NOD1: variants seen among roughly 807,000 people sequenced by gnomAD.
NOD1 encodes nucleotide-binding oligomerization domain-containing protein 1.
A neutral mutation model predicts 81.2 loss-of-function variants in NOD1; 70 were observed. The ratio of observed to expected loss-of-function variants is 0.86; its 90% CI spans 0.71 to 1.05. The LOEUF (loss-of-function observed/expected upper bound fraction) is 1.05, where lower values mean the gene tolerates loss of function less well. NOD1 is among the 50% of genes least tolerant of loss of function. The pLI is 0.00. For missense variants in NOD1, 1,233 were observed against 1,228.0 expected (o/e 1.00, Z -0.06); for synonymous variants, 508 against 526.9 (o/e 0.96, Z 0.49).
Position 30,434,432 on chromosome 7 carries a change from T to TAGG in NOD1, c.2622-1254_2622-1253insCCT, listed in dbSNP as rs556005211. Among the ~76,000 whole-genome samples, 398 of 152,290 alleles carry TAGG rather than the reference T, an allele frequency of 2.6e-3. 2 individuals are homozygous for TAGG. The highest frequency in any genetic ancestry group is 9.2e-3 in the African/African-American group (381 of 41,568). On this transcript the variant is annotated intron_variant, in intron 11 of 13. Transcript: ENST00000222823. ...AGAGATGCGGCTAAACCGTCTATGA[T>TAGG]GCACAGGACAGCCCTACCATAATAA...
rs201638077 is a variant in NOD1 at position 30,451,260 on chromosome 7, G to A, written c.2157C>T (p.Gly719=). ...DLDNNNLNDY[G]VRELQPCFSR... is the part of the protein sequence containing the mutation. Reference sequence around the variant, plus strand: ...TGAAGCAGGGCTGCAGCTCCCGCACGCCGTAGTCGTTGAGATTGTTGTTGT... The same window carrying A: ...TGAAGCAGGGCTGCAGCTCCCGCACACCGTAGTCGTTGAGATTGTTGTTGT... Residue 719 remains glycine (G), a synonymous_variant, in exon 6 of 14, where the codon GGC becomes GGT. Transcript: ENST00000222823. This position sits in a 1 kb window ranked among gnomAD's most constrained non-coding sequence, Gnocchi z 4.2. The A allele has an allele frequency of 1.5e-5, 25 of 1,614,066 alleles. No individual in the cohort carries two copies. The highest frequency in any genetic ancestry group is 2.2e-5 in the East Asian group (1 of 44,880).
rs1784499181 is a variant in NOD1, at chr7:30,437,670, C to T, written c.2454-14G>A. ...TTGCCCCACATCCTGAGGGAGGAGA[C>T]AAGATAGTGAATGTTAGCTCCCCAA... On this transcript the variant is annotated splice_polypyrimidine_tract_variant and intron_variant, in intron 9 of 13. Coordinates refer to ENST00000222823, the MANE Select transcript of NOD1 (RefSeq NM_006092.4). The T allele has an allele frequency of 2.7e-6, 4 of 1,503,146 alleles. No individual in the cohort carries two copies. The highest frequency in any genetic ancestry group is 3.5e-6 in the Non-Finnish European group (4 of 1,133,782). The allele number at this position is 1,503,146 out of a possible 1,614,324, so 93.1% of individuals were successfully genotyped here. A position where few individuals can be genotyped will look rare whatever the true frequency, so the allele number is the denominator to read the frequency against.
In NOD1 at chr7:30,452,964, C is replaced by A. The variant is rs761035608; in HGVS notation, c.453G>T (p.Glu151Asp). ...TGTAGATCTCCTCCAGCAGCAGCTC[C>A]TCCTTCTGGGCATAGCACAGCACGA... Reference protein sequence around the residue: ...SKFVLCYAQKEELLLEEIYMD... With the variant: ...SKFVLCYAQKDELLLEEIYMD... The change falls in exon 6 of 14, where the codon GAG becomes GAT. Residue 151 changes from glutamate to aspartate, a missense_variant. By Grantham distance (45) the Glu-to-Asp change is conservative. Transcript: ENST00000222823. 18 of 1,612,988 alleles carry A rather than the reference C, an allele frequency of 1.1e-5. No individual in the cohort carries two copies. The highest frequency in any genetic ancestry group is 1.5e-5 in the Non-Finnish European group (18 of 1,179,658).
chr7:30,438,233 G>A (rs971582298), intron 9 of NOD1, among the ~76,000 whole-genome samples: 4 of 152,216 alleles, frequency 2.6e-5, no homozygotes, highest in South Asian at 2.1e-4. Flanking sequence ...CAGGTGCGGC[G>A]ATAAAGCTGT....
rs769001322 is a variant in NOD1, at chr7:30,451,499, C to A, written c.1918G>T (p.Val640Phe). Residue 640 changes from valine (V) to phenylalanine (F), a missense_variant, in exon 6 of 14, where the codon GTC (valine) becomes TTC (phenylalanine). Transcript: ENST00000222823. The surrounding 1 kb of genome is among the most constrained non-coding windows in gnomAD (Gnocchi z 4.2). ...GCCTGCACCTGGTTGAAGCTTTCGA[C>A]CTGAACGCGGGGCAGGCTCTTCAGG... ...GYLKSLPRVQ[V>F]ESFNQVQAMP... 5 of 1,613,232 alleles carry A rather than the reference C, an allele frequency of 3.1e-6. No individual in the cohort carries two copies. In the South Asian group the frequency reaches 4.4e-5, roughly 14 times the overall value.
chr7:30,459,177 T>C lies in NOD1; in HGVS notation c.-147A>G, dbSNP rs1273017191. 1 of 152,674 alleles carries C rather than the reference T, an allele frequency of 6.5e-6. No homozygotes were observed. Among genetic ancestry groups the C allele is most frequent in the African/African-American group, 2.4e-5 (1 of 41,466 alleles). The allele number at this position is 152,674 out of a possible 1,614,324, so 9.5% of individuals were successfully genotyped here. ...CTTTTTAAGTTTCTGGCATCATTCT[T>C]TGAAGTTAGAATATTTTAAAACAAC... On this transcript the variant is annotated 5_prime_UTR_variant, in exon 3 of 14. Transcript: ENST00000222823.
At chr7:30,437,511 G>A (rs1583684581) in intron 10 of NOD1, 62 bp downstream of exon 10, 10 of 1,119,284 alleles carry the variant, frequency 8.9e-6, no homozygotes, top group Non-Finnish European at 1.2e-5. Context: ...CCCTTCCCCA[G>A]CAAACCTAGA....
chr7:30,460,177 T>C, intron 1 of NOD1, 136 bp from the exon 2 acceptor site: 5 of 923,828 alleles, frequency 5.4e-6, no homozygotes, highest in Non-Finnish European at 6.5e-6. Flanking sequence ...GTATGGATGT[T>C]GGAAGGGAAA....
chr7:30,447,068 GC>G lies in NOD1; in HGVS notation c.2286-19del, dbSNP rs747916587. 2.5e-6 allele frequency: 4 copies of G among 1,613,070 alleles called. No individual in the cohort carries two copies. In the African/African-American group the frequency reaches 4.0e-5, roughly 16 times the overall value. On this transcript the variant is annotated intron_variant, in intron 7 of 13. Coordinates refer to ENST00000222823, the MANE Select transcript of NOD1 (RefSeq NM_006092.4). ...TGTATAAACTTCAAGAGAAAGCACA[GC>G]CATGAGACTTTCTGGCTCCTGATGT... is the stretch of plus-strand genomic sequence containing the variant.
intron 9 of NOD1, 151 bp downstream of exon 9, chr7:30,445,990 T>G: frequency 1.5e-6 from 1 of 667,166 alleles, no homozygotes; most frequent in Non-Finnish European, 2.7e-6. Flanking sequence ...ACGGTTTCAG[T>G]TTCGCAGCAT....
intron 9 of NOD1, among the ~76,000 whole-genome samples, chr7:30,438,230 G>A (rs1482211586): frequency 2.6e-5 from 4 of 152,182 alleles, no homozygotes; most frequent in African/African-American, 2.4e-5. Context: ...GGACAGGTGC[G>A]GCGATAAAGC....
chr7:30,452,738 C>T lies in NOD1; in HGVS notation c.679G>A (p.Gly227Arg). Residue 227 changes from glycine to arginine, a missense_variant, in exon 6 of 14, where the codon GGG (glycine) becomes AGG (arginine). Transcript: ENST00000222823. Reference protein sequence around the residue: ...SLWATGRLDAGVKFFFHFRCR... With the variant: ...SLWATGRLDARVKFFFHFRCR... ...CGAAAGTGGAAGAAGAATTTGACCC[C>T]TGCGTCTAGCCGGCCCGTGGCCCAG... The T allele has an allele frequency of 6.2e-7, 1 of 1,614,036 alleles. No homozygotes were observed. Among genetic ancestry groups the T allele is most frequent in the Non-Finnish European group, 8.5e-7 (1 of 1,180,044 alleles).
chr7:30,437,229 G>C lies in NOD1; in HGVS notation c.2537+344C>G, dbSNP rs199476274. 1.8e-3 allele frequency among the ~76,000 whole-genome samples: 280 copies of C among 152,184 alleles called. 1 individual carries two copies. Among genetic ancestry groups the C allele is most frequent in the Non-Finnish European group, 3.2e-3 (221 of 68,002 alleles). On this transcript the variant is annotated intron_variant, in intron 10 of 13. Coordinates refer to ENST00000222823, the MANE Select transcript of NOD1 (RefSeq NM_006092.4). ...ACACACACCAGGGCCTGTTGGGGGT[G>C]GGGGGCAAGGGGAGGGCAAGCATTA...
At chr7:30,455,599 T>C (rs1786272579) in intron 4 of NOD1, among the ~76,000 whole-genome samples, 1 of 151,380 alleles carries the variant, frequency 6.6e-6, no homozygotes, top group South Asian at 2.1e-4. Context: ...TCTTTTTTTT[T>C]TTTTTCTTTT....
chr7:30,456,955 T>G lies in NOD1; in HGVS notation c.-34A>C, dbSNP rs753420700. On this transcript the variant is annotated 5_prime_UTR_variant, in exon 4 of 14. Coordinates refer to ENST00000222823, the MANE Select transcript of NOD1 (RefSeq NM_006092.4). The stretch of plus-strand genomic sequence containing the variant: ...TAGCAAGCGGCTACTTTTCCCAAAT[T>G]CATCTTCAGCTGCGTGTGTCCTCTC... 1.3e-6 allele frequency: 2 copies of G among 1,587,846 alleles called. No homozygotes were observed. Among genetic ancestry groups the G allele is most frequent in the Non-Finnish European group, 1.7e-6 (2 of 1,156,442 alleles).
At chr7:30,445,649 C>G (rs1784976703) in intron 9 of NOD1, among the ~76,000 whole-genome samples, 1 of 150,608 alleles carries the variant, frequency 6.6e-6, no homozygotes, top group South Asian at 2.1e-4. Flanking sequence ...ATCCCAGCTA[C>G]TCGTGTGGCT....
intron 1 of NOD1, among the ~76,000 whole-genome samples, chr7:30,469,369 A>T (rs1245049493): frequency 6.6e-6 from 1 of 152,026 alleles, no homozygotes; most frequent in South Asian, 2.1e-4. Flanking sequence ...CCCTCCCGGA[A>T]TCACCTCTCT....
At chr7:30,470,471 G>T (rs1788166425) in intron 1 of NOD1, among the ~76,000 whole-genome samples, 3 of 152,358 alleles carry the variant, frequency 2.0e-5, no homozygotes, top group African/African-American at 7.2e-5. Flanking sequence ...ACTGCGTATA[G>T]CAGGTGCTTC....
At chr7:30,473,965 A>G (rs1317754189) in intron 1 of NOD1, among the ~76,000 whole-genome samples, 2 of 152,198 alleles carry the variant, frequency 1.3e-5, no homozygotes, top group African/African-American at 4.8e-5. Flanking sequence ...AAAAACAAAC[A>G]ACAAAAACCC....
Sources: allele counts gnomAD v4.1 joint callset (sites outside exome capture counted in the v4.1 genomes callset), GRCh38; gene constraint gnomAD v4.1.1; non-coding constraint Gnocchi (gnomAD v3.1); transcripts MANE v1.5; gene names NCBI Gene and HGNC (gene_info 2026-07-23, HGNC 2026-07-21).